Variants in VPS72 observed in about 807,000 individuals in gnomAD.
VPS72 encodes vacuolar protein sorting 72 homolog.
VPS72 carries 27 observed loss-of-function variants against 38.9 expected under a neutral mutation model. That is an observed-to-expected ratio of 0.69 (90% CI 0.51 to 0.96). The LOEUF (loss-of-function observed/expected upper bound fraction) is 0.96. Among genes scored for constraint, VPS72 ranks in the 40% least tolerant of loss-of-function variants. VPS72 has a pLI of 0.00. For missense variants in VPS72, 360 were observed against 479.5 expected (o/e 0.75, Z 2.33); for synonymous variants, 173 against 186.3 (o/e 0.93, Z 0.58).
chr1:151,184,883 C>T (rs1256071144), intron 3 of VPS72, among the ~76,000 whole-genome samples: 2 of 151,968 alleles, frequency 1.3e-5, no homozygotes, highest in Non-Finnish European at 2.9e-5. Context: ...CCGTGCCTGG[C>T]CTGAAATAAT....
intron 4 of VPS72, among the ~76,000 whole-genome samples, chr1:151,180,256 T>C (rs1156803559): frequency 6.8e-6 from 1 of 147,992 alleles, no homozygotes; most frequent in East Asian, 2.1e-4. Flanking sequence ...GAGGCGGAGG[T>C]TGCAGTGAGC....
chr1:151,177,399 A>G (rs1397439109), intron 5 of VPS72, among the ~76,000 whole-genome samples: 3 of 151,678 alleles, frequency 2.0e-5, no homozygotes, highest in Non-Finnish European at 2.9e-5. Flanking sequence ...AAAAAAAAAA[A>G]AAAAGAAAAG....
chr1:151,185,631 AT>A lies in VPS72; in HGVS notation c.271-12del. 1 of 1,613,892 alleles carries A rather than the reference AT, an allele frequency of 6.2e-7. No individual in the cohort carries two copies. The highest frequency in any genetic ancestry group is 8.5e-7 in the Non-Finnish European group (1 of 1,179,818). On this transcript the variant is annotated splice_polypyrimidine_tract_variant and intron_variant, in intron 2 of 5. Transcript: ENST00000368892. ...GCTCTTGAGAGGTTCCTGAGGACAG[AT>A]TGGAATCAGATACTGGGGAACAGAA...
At chr1:151,182,854 A>C (rs139314710) in intron 4 of VPS72, among the ~76,000 whole-genome samples, 2 of 152,226 alleles carry the variant, frequency 1.3e-5, no homozygotes, top group African/African-American at 4.8e-5. Context: ...GCAGGACTCT[A>C]TCAGGCCTCT....
intron 4 of VPS72, among the ~76,000 whole-genome samples, chr1:151,178,882 T>C (rs1684175891): frequency 6.6e-6 from 1 of 152,200 alleles, no homozygotes; most frequent in Non-Finnish European, 1.5e-5. Flanking sequence ...TTGGTATATA[T>C]GTCTCCTCCT....
rs1303150257 is a variant in VPS72, at chr1:151,190,123, C to A, written c.-2G>T. On this transcript the variant is annotated 5_prime_UTR_variant, in exon 1 of 6. Transcript: ENST00000368892. ...TGCCCGGCCCCCAGCCAAACTCATA[C>A]CGCCTACCGAGACTGCGCCGCCACC... The A allele has an allele frequency of 1.9e-6, 3 of 1,612,950 alleles. No individual in the cohort carries two copies. Among genetic ancestry groups the A allele is most frequent in the South Asian group, 2.2e-5 (2 of 91,074 alleles).
chr1:151,177,960 A>C (rs370632614), intron 5 of VPS72, 41 bp downstream of exon 5: 2 of 1,602,922 alleles, frequency 1.2e-6, no homozygotes, highest in African/African-American at 1.3e-5. Flanking sequence ...AGAGAACATG[A>C]GCTGAACACA....
intron 5 of VPS72, 22 bp downstream of exon 5, chr1:151,177,977 CTT>C: frequency 6.2e-7 from 1 of 1,611,062 alleles, no homozygotes; most frequent in Non-Finnish European, 8.5e-7. Context: ...CACACAATCT[CTT>C]TTCCTCTTGA....
chr1:151,185,987 GAAGCCTT>G, intron 1 of VPS72, 37 bp from the exon 2 acceptor site: 1 of 1,609,592 alleles, frequency 6.2e-7, no homozygotes, highest in Non-Finnish European at 8.5e-7. Flanking sequence ...GCTGGCAATG[GAAGCCTT>G]AATGCCCCTT....
intron 1 of VPS72, among the ~76,000 whole-genome samples, chr1:151,189,510 G>A (rs1684417196): frequency 6.6e-6 from 1 of 152,182 alleles, no homozygotes; most frequent in South Asian, 2.1e-4. Context: ...GGATAGTCAA[G>A]GAAGGGTTAT....
At chr1:151,184,969 T>G (rs1684318040) in intron 3 of VPS72, among the ~76,000 whole-genome samples, 1 of 152,184 alleles carries the variant, frequency 6.6e-6, no homozygotes, top group Non-Finnish European at 1.5e-5. Flanking sequence ...TTGGTAATAT[T>G]TTGGCCCTTT....
At chr1:151,179,460 G>A (rs587684509) in intron 4 of VPS72, among the ~76,000 whole-genome samples, 16 of 152,140 alleles carry the variant, frequency 1.1e-4, no homozygotes, top group African/African-American at 2.7e-4. Context: ...TTAGCTGGAC[G>A]TGGTGGTGAG....
intron 3 of VPS72, 70 bp from the exon 4 acceptor site, chr1:151,184,563 T>C: frequency 6.9e-7 from 1 of 1,446,474 alleles, no homozygotes; most frequent in Non-Finnish European, 9.2e-7. Context: ...TATTTTGAAA[T>C]GTTGTACTTG....
At position 151,176,648 on chromosome 1, in the gene VPS72, T is replaced by G; in HGVS notation, c.1091A>C (p.Lys364Thr). ...TTCTGAGGACTAGACATCTCTTCAT[T>G]TAATGACAATTTTCTGGCGCAAGGC... is the stretch of plus-strand genomic sequence containing the variant. ...PRALRQKIVI[K>T] is the part of the protein sequence containing the mutation. The change falls in exon 6 of 6, where the codon AAA (lysine) becomes ACA (threonine). Residue 364 changes from lysine (K) to threonine (T), a missense_variant. By Grantham distance (78) the Lys-to-Thr change is moderately conservative (BLOSUM62 -1). This residue lies in a region of VPS72 where 294 missense variants were observed against 356.3 expected (regional missense o/e 0.83). Coordinates refer to ENST00000368892, the MANE Select transcript of VPS72 (RefSeq NM_005997.3). 1 of 1,613,276 alleles carries G rather than the reference T, an allele frequency of 6.2e-7. No individual in the cohort carries two copies. Among genetic ancestry groups the G allele is most frequent in the Non-Finnish European group, 8.5e-7 (1 of 1,179,768 alleles).
At chr1:151,177,387 C>CAAAAAAAA (rs11350080) in intron 5 of VPS72, among the ~76,000 whole-genome samples, 1 of 102,910 alleles carries the variant, frequency 9.7e-6, no homozygotes, top group Non-Finnish European at 2.0e-5. Flanking sequence ...GACTCCATCT[C>CAAAAAAAA]AAAAAAAAAA....
chr1:151,178,819 C>T (rs1400410319), intron 4 of VPS72, among the ~76,000 whole-genome samples: 1 of 152,188 alleles, frequency 6.6e-6, no homozygotes, highest in African/African-American at 2.4e-5. Context: ...GCTGGCTGCA[C>T]ACTTCATGTT....
chr1:151,188,761 T>C (rs1315561504), intron 1 of VPS72, among the ~76,000 whole-genome samples: 1 of 152,216 alleles, frequency 6.6e-6, no homozygotes, highest in Non-Finnish European at 1.5e-5. Flanking sequence ...GGGATGCCTA[T>C]CCTGATCAAC....
At position 151,184,305 on chromosome 1, in the gene VPS72, C is replaced by G. The variant is rs867956981; in HGVS notation, c.562+12G>C. ...GCCCCTCTACTCACTTTTTCTGAAACCACAGACTTACCCAGTGACCGTAAA... is the reference window on the plus strand; with the variant it reads ...GCCCCTCTACTCACTTTTTCTGAAAGCACAGACTTACCCAGTGACCGTAAA... On this transcript the variant is annotated intron_variant, in intron 4 of 5. Transcript: ENST00000368892. 2 of 1,612,602 alleles carry G rather than the reference C, an allele frequency of 1.2e-6. No individual in the cohort carries two copies. Among genetic ancestry groups the G allele is most frequent in the East Asian group, 4.5e-5 (2 of 44,844 alleles).
rs115608545 is a variant in VPS72 at position 151,176,544 on chromosome 1, A to G, written c.*100T>C. 1,454 of 1,501,460 alleles carry G rather than the reference A, an allele frequency of 9.7e-4. 14 individuals carry two copies. In the African/African-American group the frequency reaches 0.016, roughly 16 times the overall value. 93.0% of individuals were successfully genotyped at this position (1,501,460 alleles called of 1,614,324 possible). On this transcript the variant is annotated 3_prime_UTR_variant, in exon 6 of 6. Coordinates refer to ENST00000368892, the MANE Select transcript of VPS72 (RefSeq NM_005997.3). ...AAAAGGAAAAAGAAACAGATTAGGCAAAGATCAGAGATGACAAAGGGGAGA... is the reference window on the plus strand; with the variant it reads ...AAAAGGAAAAAGAAACAGATTAGGCGAAGATCAGAGATGACAAAGGGGAGA...
Sources: allele counts gnomAD v4.1 joint callset (sites outside exome capture counted in the v4.1 genomes callset), GRCh38; gene constraint gnomAD v4.1.1; regional missense constraint gnomAD v4.1.1; transcripts MANE v1.5; gene names NCBI Gene and HGNC (gene_info 2026-07-23, HGNC 2026-07-21).